Variants in ANK3 observed in about 807,000 individuals in gnomAD.
ANK3 encodes the protein ankyrin 3.
ANK3 carries 57 observed loss-of-function variants against 370.9 expected under a neutral mutation model. The ratio of observed to expected loss-of-function variants is 0.15; its 90% CI spans 0.12 to 0.19. The LOEUF (loss-of-function observed/expected upper bound fraction) is 0.19. ANK3 is among the 10% of genes least tolerant of loss of function. The pLI is 1.00. For synonymous variants in ANK3, 1,929 were observed against 1,946.3 expected (o/e 0.99, Z 0.23); for missense variants, 4,439 against 5,302.1 (o/e 0.84, Z 5.06).
chr10:60,485,926 G>A (rs1002739007), intron 2 of ANK3, among the ~76,000 whole-genome samples: 3 of 152,122 alleles, frequency 2.0e-5, no homozygotes, highest in Admixed American at 2.0e-4. Context: ...CTAAGAGAAA[G>A]TATAGAAAGA....
chr10:60,652,934 C>G (rs866836559), intron 1 of ANK3, among the ~76,000 whole-genome samples: 9 of 152,094 alleles, frequency 5.9e-5, no homozygotes, highest in African/African-American at 2.2e-4. Flanking sequence ...CCCCAAACAC[C>G]ACTCACGATG....
rs1177875339 is a variant in ANK3 at position 60,417,115 on chromosome 10, G to A, written c.97-137476C>T. 3.9e-5 allele frequency among the ~76,000 whole-genome samples: 6 copies of A among 152,172 alleles called. No homozygotes were observed. The East Asian group carries it at 9.6e-4, about 24-fold the overall frequency. ...GATAACACTCAGCAAACAGCAGGCA[G>A]GAAAGAACTGCATTAACTGCACAGT... On this transcript the variant is annotated intron_variant, in intron 2 of 43. Transcript: ENST00000373827.
intron 28 of ANK3, among the ~76,000 whole-genome samples, chr10:60,091,380 T>C (rs1217044704): frequency 6.6e-6 from 1 of 152,198 alleles, no homozygotes; most frequent in East Asian, 1.9e-4. Context: ...AGAGCACTGA[T>C]CTAGTCACTG....
chr10:60,729,087 A>C (rs369925656), intron 1 of ANK3, among the ~76,000 whole-genome samples: 2 of 152,352 alleles, frequency 1.3e-5, no homozygotes, highest in East Asian at 3.9e-4. Flanking sequence ...AGGAGCTCAA[A>C]AGTACGTGTT....
intron 1 of ANK3, among the ~76,000 whole-genome samples, chr10:60,299,349 A>G (rs566821644): frequency 6.6e-6 from 1 of 152,296 alleles, no homozygotes; most frequent in East Asian, 1.9e-4. Flanking sequence ...TTTTTGTAAC[A>G]CTGTGAAATG....
intron 32 of ANK3, 97 bp downstream of exon 32, chr10:60,084,505 C>A (rs965742765): frequency 1.2e-6 from 1 of 812,980 alleles, no homozygotes; most frequent in Non-Finnish European, 1.9e-6. Flanking sequence ...ATCAATAATG[C>A]ACTTGGTATT....
chr10:60,666,867 T>C (rs1374174002), intron 1 of ANK3, among the ~76,000 whole-genome samples: 7 of 152,130 alleles, frequency 4.6e-5, no homozygotes, highest in Admixed American at 3.3e-4. Flanking sequence ...TCTTAAATCT[T>C]TTAGTTAATA....
chr10:60,517,043 T>A (rs1409627430), intron 2 of ANK3, among the ~76,000 whole-genome samples: 1 of 152,182 alleles, frequency 6.6e-6, no homozygotes, highest in East Asian at 1.9e-4. Flanking sequence ...TTGGGCAAGT[T>A]ATCTGACCCA....
chr10:60,675,417 T>G (rs74155669), intron 1 of ANK3, among the ~76,000 whole-genome samples: 1,789 of 152,314 alleles, frequency 0.012, 33 homozygotes, highest in African/African-American at 0.04. Flanking sequence ...TTCAACCCAA[T>G]ATAGCCAAGA....
intron 1 of ANK3, among the ~76,000 whole-genome samples, chr10:60,343,571 TA>T (rs557847070): frequency 2.2e-3 from 335 of 152,192 alleles, no homozygotes; most frequent in African/African-American, 7.6e-3. Flanking sequence ...ATAAAGAAAA[TA>T]TTTAAGAGTT....
At chr10:60,278,363 T>A (rs1040846379) in intron 4 of ANK3, among the ~76,000 whole-genome samples, 1 of 152,160 alleles carries the variant, frequency 6.6e-6, no homozygotes. Context: ...TACATATGAA[T>A]TTAAATAATC....
At chr10:60,420,161 T>C (rs896807027) in intron 2 of ANK3, among the ~76,000 whole-genome samples, 1 of 152,130 alleles carries the variant, frequency 6.6e-6, no homozygotes, top group African/African-American at 2.4e-5. Context: ...CCTAGTGAGC[T>C]GTCTGGAGCA....
chr10:60,554,924 G>A (rs2077173925), intron 2 of ANK3, among the ~76,000 whole-genome samples: 1 of 152,074 alleles, frequency 6.6e-6, no homozygotes, highest in African/African-American at 2.4e-5. Flanking sequence ...AAATGTATTT[G>A]GAAATAAAAA....
chr10:60,549,762 G>A (rs889131966), intron 2 of ANK3, among the ~76,000 whole-genome samples: 4 of 152,156 alleles, frequency 2.6e-5, no homozygotes, highest in African/African-American at 9.7e-5. Context: ...AAATATAAAT[G>A]AAAGAGGAGA....
chr10:60,392,909 A>G (rs2063142544), upstream of ANK3, among the ~76,000 whole-genome samples: 1 of 152,042 alleles, frequency 6.6e-6, no homozygotes, highest in Admixed American at 6.6e-5. Context: ...AGTCTGGGTG[A>G]CAGAGCAAGG....
chr10:60,605,154 G>A (rs1342437156), intron 2 of ANK3, among the ~76,000 whole-genome samples: 1 of 152,116 alleles, frequency 6.6e-6, no homozygotes, highest in Non-Finnish European at 1.5e-5. Flanking sequence ...CCTGGTAAAC[G>A]TGATCAGTAA....
chr10:60,138,686 T>C (rs532762038), intron 24 of ANK3: 6 of 485,384 alleles, frequency 1.2e-5, no homozygotes, highest in African/African-American at 1.0e-4. Flanking sequence ...CCCAGTTTTG[T>C]CAGTGAGCTC....
rs145905023 is a variant in ANK3 at position 60,342,613 on chromosome 10, G to GA, written c.114+46811dup. The stretch of plus-strand genomic sequence containing the variant: ...TTTGAAACTAATACGGTAGCTGAGA[G>GA]AAAATGTATTTTCTTGGGTCGAAGT... On this transcript the variant is annotated intron_variant, in intron 1 of 43. Transcript: ENST00000280772. Among the ~76,000 whole-genome samples the GA allele has an allele frequency of 7.0e-3, 1,070 of 152,272 alleles. 9 individuals are homozygous for GA. The highest frequency in any genetic ancestry group is 0.025 in the African/African-American group (1,029 of 41,554).
In ANK3 at chr10:60,086,723, G is replaced by A; in HGVS notation, c.3702C>T (p.Tyr1234=). The A allele has an allele frequency of 6.2e-7, 1 of 1,613,904 alleles. No homozygotes were observed. Among genetic ancestry groups the A allele is most frequent in the Non-Finnish European group, 8.5e-7 (1 of 1,179,920 alleles). Residue 1234 remains tyrosine, a synonymous_variant, in exon 30 of 44, where the codon TAC becomes TAT. Transcript: ENST00000280772. ...PPSGEGVSNG[Y]KGDTTPNLRL... ...GCAGATTGGGTGTAGTGTCCCCTTTGTATCCATTGGATACACCTTCTCCTG... is the reference window on the plus strand; with the variant it reads ...GCAGATTGGGTGTAGTGTCCCCTTTATATCCATTGGATACACCTTCTCCTG...
Sources: allele counts gnomAD v4.1 joint callset (sites outside exome capture counted in the v4.1 genomes callset), GRCh38; gene constraint gnomAD v4.1.1; transcripts MANE v1.5; gene names NCBI Gene and HGNC (gene_info 2026-07-23, HGNC 2026-07-21).